The following ADAM9 variants were observed in gnomAD, a reference collection of about 807,000 sequenced individuals.
ADAM9 encodes ADAM metallopeptidase domain 9.
Under a neutral mutation model 108.1 loss-of-function variants are expected in ADAM9, and 54 were observed. The observed-to-expected ratio is 0.50, with a 90% CI of 0.40 to 0.63. The LOEUF (loss-of-function observed/expected upper bound fraction) is 0.63. Among genes scored for constraint, ADAM9 ranks in the 20% least tolerant of loss-of-function variants. ADAM9 has a pLI of 0.00. For synonymous variants in ADAM9, 316 were observed against 336.0 expected (o/e 0.94, Z 0.65); for missense variants, 830 against 997.7 (o/e 0.83, Z 2.26).
chr8:39,079,451 A>G (rs1422451973), intron 16 of ADAM9, among the ~76,000 whole-genome samples: 1 of 151,890 alleles, frequency 6.6e-6, no homozygotes, highest in Non-Finnish European at 1.5e-5. Flanking sequence ...TTTTTTTCTG[A>G]GAAGTTCATA....
chr8:39,033,846 GT>G (rs989157773), intron 11 of ADAM9, among the ~76,000 whole-genome samples: 1 of 151,866 alleles, frequency 6.6e-6, no homozygotes, highest in South Asian at 2.1e-4. Flanking sequence ...TTCTTTTATG[GT>G]TTTTTTCTTA....
chr8:39,003,359 C>T (rs896512073), intron 1 of ADAM9, among the ~76,000 whole-genome samples: 2 of 151,824 alleles, frequency 1.3e-5, no homozygotes, highest in Non-Finnish European at 2.9e-5. Context: ...CAAAACATTC[C>T]ACAGTACACA....
At chr8:39,005,546 A>G (rs1836134854) in intron 1 of ADAM9, among the ~76,000 whole-genome samples, 1 of 152,236 alleles carries the variant, frequency 6.6e-6, no homozygotes. Context: ...TATGCCCAGA[A>G]TTAGAATACT....
chr8:39,003,605 G>A (rs942044191), intron 1 of ADAM9, among the ~76,000 whole-genome samples: 1 of 152,064 alleles, frequency 6.6e-6, no homozygotes, highest in Non-Finnish European at 1.5e-5. Flanking sequence ...AACATGGGAA[G>A]GAGGATTTTC....
intron 18 of ADAM9, 38 bp from the exon 19 acceptor site, chr8:39,090,009 G>A: frequency 6.2e-7 from 1 of 1,606,504 alleles, no homozygotes. Flanking sequence ...TGCCTAGTAT[G>A]AGTTTGGTGA....
At chr8:39,013,393 A>G (rs903760310) in intron 3 of ADAM9, among the ~76,000 whole-genome samples, 5 of 152,084 alleles carry the variant, frequency 3.3e-5, no homozygotes, top group Non-Finnish European at 2.9e-5. Context: ...ATTTTTTGGA[A>G]CTAGCATTTT....
intron 14 of ADAM9, among the ~76,000 whole-genome samples, chr8:39,065,995 T>C (rs1838457788): frequency 6.6e-6 from 1 of 152,120 alleles, no homozygotes; most frequent in Non-Finnish European, 1.5e-5. Flanking sequence ...AGTGAGAACA[T>C]GCGGTGTTTG....
At chr8:39,041,316 C>A (rs1469383832) in intron 11 of ADAM9, among the ~76,000 whole-genome samples, 2 of 151,264 alleles carry the variant, frequency 1.3e-5, no homozygotes, top group African/African-American at 2.5e-5. Flanking sequence ...TAAAGGCCAA[C>A]TAACTTTCAA....
At chr8:39,067,534 T>C (rs1239819233) in intron 14 of ADAM9, among the ~76,000 whole-genome samples, 1 of 152,128 alleles carries the variant, frequency 6.6e-6, no homozygotes, top group Non-Finnish European at 1.5e-5. Flanking sequence ...GGAGTTCACT[T>C]ATGATTTGGC....
intron 18 of ADAM9, among the ~76,000 whole-genome samples, chr8:39,087,884 C>T (rs1380273491): frequency 1.3e-5 from 2 of 152,084 alleles, no homozygotes; most frequent in Non-Finnish European, 2.9e-5. Flanking sequence ...AACTTAACTA[C>T]GAATAGTCTG....
intron 1 of ADAM9, among the ~76,000 whole-genome samples, chr8:38,999,975 A>G (rs1835944940): frequency 6.6e-6 from 1 of 151,738 alleles, no homozygotes; most frequent in Non-Finnish European, 1.5e-5. Flanking sequence ...GCGCTATGGA[A>G]CTGCCTCATA....
intron 9 of ADAM9, among the ~76,000 whole-genome samples, chr8:39,023,690 C>T (rs1420410685): frequency 4.0e-5 from 6 of 151,190 alleles, no homozygotes; most frequent in African/African-American, 1.5e-4. Context: ...TTACTCTAGG[C>T]CTAAGTAACT....
Position 39,016,258 on chromosome 8 carries a change from C to G in ADAM9, c.410+64C>G. 4.9e-6 allele frequency: 7 copies of G among 1,416,370 alleles called. No individual in the cohort carries two copies. The South Asian group carries it at 8.1e-5, about 16-fold the overall frequency. 87.7% of individuals were successfully genotyped at this position (1,416,370 alleles called of 1,614,324 possible). On this transcript the variant is annotated intron_variant, in intron 5 of 21. Transcript: ENST00000487273. ...CTATGTCTTACCCTCTTTCCTGTTTCTGTCTCCAAATTAAATCATTTTGGG... is the reference window on the plus strand; with the variant it reads ...CTATGTCTTACCCTCTTTCCTGTTTGTGTCTCCAAATTAAATCATTTTGGG...
chr8:39,067,283 G>T (rs946937154), intron 14 of ADAM9, among the ~76,000 whole-genome samples: 11 of 152,128 alleles, frequency 7.2e-5, no homozygotes, highest in African/African-American at 2.7e-4. Context: ...TTCCAATTCT[G>T]TGAAGAAAGT....
intron 1 of ADAM9, among the ~76,000 whole-genome samples, chr8:39,002,227 A>G (rs1836017133): frequency 6.6e-6 from 1 of 151,900 alleles, no homozygotes; most frequent in South Asian, 2.1e-4. Context: ...GGAAGTACTT[A>G]AAAGTGGCTG....
chr8:39,091,165 T>C, intron 19 of ADAM9, 94 bp from the exon 20 acceptor site: 1 of 1,183,272 alleles, frequency 8.5e-7, no homozygotes, highest in South Asian at 1.2e-5. Context: ...ACCAACATCA[T>C]TATTCTGTAT....
chr8:39,019,611 AT>A (rs1372847539), intron 7 of ADAM9, among the ~76,000 whole-genome samples: 1 of 152,086 alleles, frequency 6.6e-6, no homozygotes, highest in African/African-American at 2.4e-5. Context: ...CAGCTGTGTA[AT>A]TTAAAAAAGA....
Position 39,082,683 on chromosome 8 carries a change from T to C in ADAM9, c.1924T>C (p.Tyr642His), listed in dbSNP as rs745943771. 1.9e-6 allele frequency: 3 copies of C among 1,612,930 alleles called. No homozygotes were observed. The highest frequency in any genetic ancestry group is 1.7e-4 in the Middle Eastern group (1 of 6,056). ...FQCVDASVLN[Y>H]DCDVQKKCHG... ...GTGTGTAGATGCTTCTGTTCTGAATTATGACTGTGATGTTCAGAAAAAGTG... is the reference window on the plus strand; with the variant it reads ...GTGTGTAGATGCTTCTGTTCTGAATCATGACTGTGATGTTCAGAAAAAGTG... The change falls in exon 17 of 22, where the codon TAT becomes CAT. Residue 642 changes from tyrosine to histidine, a missense_variant. Transcript: ENST00000487273.
intron 7 of ADAM9, among the ~76,000 whole-genome samples, chr8:39,020,282 A>C (rs925781358): frequency 6.6e-6 from 1 of 152,122 alleles, no homozygotes; most frequent in South Asian, 2.1e-4. Context: ...AACACACACA[A>C]AATGTTCTTC....
Sources: allele counts gnomAD v4.1 joint callset (sites outside exome capture counted in the v4.1 genomes callset), GRCh38; gene constraint gnomAD v4.1.1; transcripts MANE v1.5; gene names NCBI Gene and HGNC (gene_info 2026-07-23, HGNC 2026-07-21).